Variants in IRAG1 observed in about 807,000 individuals in gnomAD.
IRAG1 encodes the protein IP3R-associated cGMP kinase substrate.
In IRAG1, 62 loss-of-function variants were observed where a neutral mutation model predicts 106.2. The observed-to-expected ratio is 0.58, with a 90% CI of 0.48 to 0.72. The LOEUF is 0.72. IRAG1 is among the 30% of genes least tolerant of loss of function. The pLI, the probability that IRAG1 is intolerant of heterozygous loss-of-function variation, is 0.00. For missense variants in IRAG1, 1,064 were observed against 1,140.7 expected (o/e 0.93, Z 0.97); for synonymous variants, 462 against 443.9 (o/e 1.04, Z -0.51).
chr11:10,669,288 C>T (rs1223052070), intron 1 of IRAG1, among the ~76,000 whole-genome samples: 4 of 152,336 alleles, frequency 2.6e-5, no homozygotes, highest in African/African-American at 9.6e-5. Flanking sequence ...TGAAACTACT[C>T]TGTGACCTTG....
chr11:10,685,298 A>G (rs1034989667), intron 1 of IRAG1, among the ~76,000 whole-genome samples: 1 of 151,680 alleles, frequency 6.6e-6, no homozygotes, highest in Non-Finnish European at 1.5e-5. Context: ...AATGCAAAAA[A>G]TTATCTGGGC....
Position 10,655,184 on chromosome 11 carries a change from G to C in IRAG1, c.68-3002C>G, listed in dbSNP as rs141096937. Among the ~76,000 whole-genome samples the C allele has an allele frequency of 2.2e-4, 34 of 152,224 alleles. No individual in the cohort carries two copies. In the East Asian group the frequency reaches 6.4e-3, roughly 28 times the overall value. The stretch of plus-strand genomic sequence containing the variant: ...TACAGGTCCAGGCTGTCTTAACAGG[G>C]GCATGGTTTCTAAAACATGGGAGGT... On this transcript the variant is annotated intron_variant, in intron 1 of 20. Coordinates refer to ENST00000423302, the MANE Select transcript of IRAG1 (RefSeq NM_130385.4).
chr11:10,666,671 C>T (rs1173416525), intron 1 of IRAG1, among the ~76,000 whole-genome samples: 4 of 152,222 alleles, frequency 2.6e-5, no homozygotes, highest in Admixed American at 6.5e-5. Context: ...GTTTATCCAA[C>T]GGGTTAAGCT....
Position 10,693,648 on chromosome 11 carries a change from C to A in IRAG1, c.-46G>T. On this transcript the variant is annotated 5_prime_UTR_variant, in exon 1 of 21. Transcript: ENST00000423302. ...GGCTCCGGAGCTCAGAGCCGAGAAG[C>A]CTCTGGCTGCAGAACCTCGGCCGCA... The A allele has an allele frequency of 6.5e-7, 1 of 1,532,666 alleles. No individual in the cohort carries two copies. The highest frequency in any genetic ancestry group is 8.7e-7 in the Non-Finnish European group (1 of 1,145,784). The allele number at this position is 1,532,666 out of a possible 1,614,324, so 94.9% of individuals were successfully genotyped here. A position where few individuals can be genotyped will look rare whatever the true frequency, so the allele number is the denominator to read the frequency against.
At chr11:10,676,772 C>A (rs921719801) in intron 1 of IRAG1, among the ~76,000 whole-genome samples, 56 of 152,232 alleles carry the variant, frequency 3.7e-4, no homozygotes, top group African/African-American at 1.4e-3. Flanking sequence ...CCAGAACATT[C>A]TGCTAATTTG....
At chr11:10,634,266 C>A (rs1199110343) in intron 2 of IRAG1, among the ~76,000 whole-genome samples, 195 bp from the exon 3 acceptor site, 5 of 152,138 alleles carry the variant, frequency 3.3e-5, no homozygotes, top group African/African-American at 9.7e-5. Context: ...TCAAGGCACA[C>A]AATGCGATGT....
intron 11 of IRAG1, among the ~76,000 whole-genome samples, 173 bp from the exon 12 acceptor site, chr11:10,606,945 C>G (rs1020625264): frequency 5.3e-5 from 8 of 152,180 alleles, no homozygotes; most frequent in South Asian, 2.1e-4. Context: ...GAGATACTGA[C>G]TCTTACGGCA....
rs901861192 is a variant in IRAG1 at position 10,665,894 on chromosome 11, C to T, written c.68-13712G>A. ...TTATCCAGATGTATGCAAACAGCTG[C>T]ATTAGCTGAGTCTTTAGACCCAAGT... On this transcript the variant is annotated intron_variant, in intron 1 of 20. Transcript: ENST00000423302. The surrounding 1 kb of genome is among the most constrained non-coding windows in gnomAD (Gnocchi z 4.2). Among the ~76,000 whole-genome samples, 4 of 152,170 alleles carry T rather than the reference C, an allele frequency of 2.6e-5. No individual in the cohort carries two copies. The highest frequency in any genetic ancestry group is 9.7e-5 in the African/African-American group (4 of 41,426).
At chr11:10,673,144 T>C (rs1024125246) in intron 1 of IRAG1, among the ~76,000 whole-genome samples, 1 of 152,000 alleles carries the variant, frequency 6.6e-6, no homozygotes, top group Admixed American at 6.6e-5. Context: ...TTAGCTGGGC[T>C]TGGTGCCGTG....
rs530719332 is a variant in IRAG1, at chr11:10,660,967, C to T, written c.68-8785G>A. ...TCACTGCAACAGCCTCATTTGTCTC[C>T]TTACCTCTGGCCTGGTCCCTTCCAA... On this transcript the variant is annotated intron_variant, in intron 1 of 20. Transcript: ENST00000423302. Among the ~76,000 whole-genome samples the T allele has an allele frequency of 1.2e-4, 18 of 152,338 alleles. No individual in the cohort carries two copies. The South Asian group carries it at 3.1e-3, about 26-fold the overall frequency.
intron 2 of IRAG1, among the ~76,000 whole-genome samples, chr11:10,637,851 C>G (rs1270991012): frequency 6.6e-6 from 1 of 152,060 alleles, no homozygotes; most frequent in Non-Finnish European, 1.5e-5. Context: ...TGTCAAATGG[C>G]AGGTAGCCAG....
intron 4 of IRAG1, among the ~76,000 whole-genome samples, chr11:10,630,305 C>A (rs1413391923): frequency 1.3e-5 from 2 of 152,154 alleles, no homozygotes; most frequent in African/African-American, 2.4e-5. Context: ...TCAAGTCCTC[C>A]CTGCATTTAC....
Position 10,576,550 on chromosome 11 carries a change from A to G in IRAG1, c.2521T>C (p.Leu841=), listed in dbSNP as rs1469309815. 1 of 1,614,054 alleles carries G rather than the reference A, an allele frequency of 6.2e-7. No individual in the cohort carries two copies. The highest frequency in any genetic ancestry group is 1.7e-5 in the Admixed American group (1 of 60,036). ...SSKLEELVHF[L]QVMYPKLCQH... ...CACAGTTTGGGATACATGACTTGTA[A>G]GAAATGGACCAATTCTTCAAGTTTG... The change falls in exon 21 of 21, where the codon TTA becomes CTA. Residue 841 remains leucine (L), a synonymous_variant. Coordinates refer to ENST00000423302, the MANE Select transcript of IRAG1 (RefSeq NM_130385.4).
intron 10 of IRAG1, among the ~76,000 whole-genome samples, chr11:10,619,044 T>C (rs1203568325): frequency 6.6e-6 from 1 of 152,156 alleles, no homozygotes; most frequent in Non-Finnish European, 1.5e-5. Context: ...CAAGGCCTTC[T>C]CCCTGATGGT....
At chr11:10,580,642 CT>C in intron 19 of IRAG1, 53 bp from the exon 20 acceptor site, 1 of 1,592,366 alleles carries the variant, frequency 6.3e-7, no homozygotes, top group Non-Finnish European at 8.5e-7. Context: ...GCAGTGCATC[CT>C]TTCCTGAGTT....
chr11:10,602,645 T>C (rs1377061416), intron 14 of IRAG1, among the ~76,000 whole-genome samples: 1 of 142,386 alleles, frequency 7.0e-6, no homozygotes, highest in Admixed American at 6.7e-5. Flanking sequence ...ATTTATAGGG[T>C]TGCTGGGTGG....
chr11:10,649,381 T>C (rs949998330), intron 2 of IRAG1, among the ~76,000 whole-genome samples: 3 of 152,146 alleles, frequency 2.0e-5, no homozygotes, highest in African/African-American at 7.2e-5. Context: ...TAGAAGGCAC[T>C]TGAGGGCTGG....
rs750753885 is a variant in IRAG1, at chr11:10,594,209, G to A, written c.2018-14C>T. On this transcript the variant is annotated splice_polypyrimidine_tract_variant and intron_variant, in intron 15 of 20. Coordinates refer to ENST00000423302, the MANE Select transcript of IRAG1 (RefSeq NM_130385.4). ...GGACCCCATCTTCTGCAGCAGGAGG[G>A]AGCAGAGAAGAGAACACAGGTAAGT... is the stretch of plus-strand genomic sequence containing the variant. The A allele has an allele frequency of 4.4e-6, 7 of 1,605,920 alleles. No homozygotes were observed. Among genetic ancestry groups the A allele is most frequent in the African/African-American group, 1.3e-5 (1 of 74,808 alleles).
In IRAG1 at chr11:10,575,258, TTGAAC is replaced by T. The variant is rs972981863; in HGVS notation, c.*1069_*1073del. On this transcript the variant is annotated 3_prime_UTR_variant, in exon 21 of 21. Transcript: ENST00000423302. The stretch of plus-strand genomic sequence containing the variant: ...ATTATACTGGGGTTGGAAACCCCAT[TTGAAC>T]TGAAGCACTGAGGTGCAAGTTTACT... 5 of 152,184 alleles carry T rather than the reference TTGAAC, an allele frequency of 3.3e-5. No homozygotes were observed. Among genetic ancestry groups the T allele is most frequent in the Non-Finnish European group, 7.4e-5 (5 of 68,026 alleles). The allele number at this position is 152,184 out of a possible 1,614,324, so 9.4% of individuals were successfully genotyped here. A position where few individuals can be genotyped will look rare whatever the true frequency, so the allele number is the denominator to read the frequency against.
Sources: allele counts gnomAD v4.1 joint callset (sites outside exome capture counted in the v4.1 genomes callset), GRCh38; gene constraint gnomAD v4.1.1; non-coding constraint Gnocchi (gnomAD v3.1); transcripts MANE v1.5; gene names NCBI Gene and HGNC (gene_info 2026-07-23, HGNC 2026-07-21).